The following SLC19A1 variants were observed in gnomAD, a reference collection of about 807,000 sequenced individuals.
SLC19A1 encodes reduced folate transporter.
SLC19A1 carries 37 observed loss-of-function variants against 35.3 expected under a neutral mutation model. That is an observed-to-expected ratio of 1.05 (90% CI 0.81 to 1.38). The LOEUF (loss-of-function observed/expected upper bound fraction) is 1.38, where lower values mean the gene tolerates loss of function less well. SLC19A1 is among the 40% of genes most tolerant of loss of function. The pLI, the probability that SLC19A1 is intolerant of heterozygous loss-of-function variation, is 0.00. For missense variants in SLC19A1, 831 were observed against 826.9 expected (o/e 1.00, Z -0.06); for synonymous variants, 460 against 398.5 (o/e 1.15, Z -1.84).
chr21:45,531,985 T>G lies in SLC19A1; in HGVS notation c.353A>C (p.His118Pro), dbSNP rs2077938121. Reference sequence around the variant, plus strand: ...GTAGAAGAGCTCCATGAGCTGCATGTGCGCCACCGAGTGGCCCAGCAGCAG... The same window carrying G: ...GTAGAAGAGCTCCATGAGCTGCATGGGCGCCACCGAGTGGCCCAGCAGCAG... ...LLLLLGHSVA[H>P]MQLMELFYSV... The change falls in exon 3 of 6, where the codon CAC becomes CCC. Residue 118 changes from histidine (H) to proline (P), a missense_variant. Transcript: ENST00000311124. 6.2e-7 allele frequency: 1 copy of G among 1,609,988 alleles called. No homozygotes were observed.
rs756797124 is a variant in SLC19A1 at position 45,505,235 on chromosome 21, A to AGGCCCCCCAG, written c.498-6633_498-6624dup. 5.0e-6 allele frequency: 8 copies of AGGCCCCCCAG among 1,594,918 alleles called. No homozygotes were observed. In the Admixed American group the frequency reaches 1.2e-4, roughly 24 times the overall value. ...GGCGCCAGGGCCCTCCCGGCCCCCC[A>AGGCCCCCCAG]GGCCCCCCAGGGCCCCCTTCATTTC... On this transcript the variant is annotated intron_variant, in intron 3 of 4. Coordinates refer to the SLC19A1 transcript ENST00000417954.
At chr21:45,506,613 G>A in intron 3 of SLC19A1, 1 of 177,494 alleles carries the variant, frequency 5.6e-6, no homozygotes, top group Non-Finnish European at 1.2e-5. Context: ...GCAAAGGTGA[G>A]GACGGGTAGA....
rs1310567718 is a variant in SLC19A1 at position 45,531,524 on chromosome 21, G to A, written c.814C>T (p.Leu272Phe). The change falls in exon 3 of 6, where the codon CTC becomes TTC. Residue 272 changes from leucine (L) to phenylalanine (F), a missense_variant. Transcript: ENST00000311124. ...LRRPQLRLWSLWWVFNSAGYY... is the reference protein window; with the variant it reads ...LRRPQLRLWSFWWVFNSAGYY... ...CCGGCCGAGTTGAAGACCCACCAGA[G>A]GGACCACAGGCGCAGCTGCGGCCGC... 1 of 1,612,698 alleles carries A rather than the reference G, an allele frequency of 6.2e-7. No individual in the cohort carries two copies. Among genetic ancestry groups the A allele is most frequent in the South Asian group, 1.1e-5 (1 of 91,078 alleles).
rs534502226 is a variant in SLC19A1, at chr21:45,517,372, G to A, written c.1294-1232C>T. Among the ~76,000 whole-genome samples the A allele has an allele frequency of 9.6e-4, 144 of 150,448 alleles. No individual in the cohort carries two copies. The highest frequency in any genetic ancestry group is 5.0e-3 in the Admixed American group (75 of 15,144). ...ATGTCAGCAAGGACCCCCCACCCTC[G>A]CCAGCCTGTAACAAGGACCCCCGAG... On this transcript the variant is annotated intron_variant, in intron 5 of 5. Coordinates refer to ENST00000311124, the MANE Select transcript of SLC19A1 (RefSeq NM_194255.4). The surrounding 1 kb of genome is among the most constrained non-coding windows in gnomAD (Gnocchi z 4.4).
chr21:45,560,962 T>C (rs2078610115), intron 1 of SLC19A1, among the ~76,000 whole-genome samples: 1 of 152,222 alleles, frequency 6.6e-6, no homozygotes, highest in East Asian at 1.9e-4. Flanking sequence ...CTCTTACAAC[T>C]GCTGTGGTCA....
intron 1 of SLC19A1, among the ~76,000 whole-genome samples, chr21:45,549,592 A>G (rs115971537): frequency 0.012 from 1,664 of 140,786 alleles, 39 homozygotes; most frequent in African/African-American, 0.042. Flanking sequence ...AACCCAGAAC[A>G]GCCTCAGCCT....
chr21:45,535,380 C>T (rs78540728), intron 2 of SLC19A1, among the ~76,000 whole-genome samples: 247 of 152,360 alleles, frequency 1.6e-3, no homozygotes, highest in Middle Eastern at 0.01. Context: ...AACACACAAC[C>T]AGTCCAATCC....
At chr21:45,505,275 C>A in intron 3 of SLC19A1, 1 of 1,608,152 alleles carries the variant, frequency 6.2e-7, no homozygotes, top group Non-Finnish European at 8.5e-7. Context: ...CCCTCACAGG[C>A]AGAGTAAGTC....
chr21:45,509,154 C>T (rs2037422423), downstream of SLC19A1, among the ~76,000 whole-genome samples: 2 of 152,028 alleles, frequency 1.3e-5, no homozygotes, highest in Admixed American at 1.3e-4. Flanking sequence ...AGAGGTGACC[C>T]GCGATCCGGC....
At position 45,530,854 on chromosome 21, in the gene SLC19A1, G is replaced by A. The variant is rs1158032004; in HGVS notation, c.1067C>T (p.Thr356Met). The change falls in exon 4 of 6, where the codon ACG (threonine) becomes ATG (methionine). Residue 356 changes from threonine (T) to methionine (M), a missense_variant. Transcript: ENST00000311124. The surrounding 1 kb of genome is among the most constrained non-coding windows in gnomAD (Gnocchi z 5.3). ...QAGLVFLLAHTRHPSSIWLCY... is the reference protein window; with the variant it reads ...QAGLVFLLAHMRHPSSIWLCY... Reference sequence around the variant, plus strand: ...CAGCCAGATGCTGCTCGGGTGGCGCGTGTGCGCCAGAAGGAAGACCAGCCC... The same window carrying A: ...CAGCCAGATGCTGCTCGGGTGGCGCATGTGCGCCAGAAGGAAGACCAGCCC... 38 of 1,499,692 alleles carry A rather than the reference G, an allele frequency of 2.5e-5. No individual in the cohort carries two copies. Among genetic ancestry groups the A allele is most frequent in the Non-Finnish European group, 2.8e-5 (31 of 1,123,920 alleles). The allele number at this position is 1,499,692 out of a possible 1,614,324, so 92.9% of individuals were successfully genotyped here.
At chr21:45,505,824 T>G in intron 3 of SLC19A1, 6 of 1,368,238 alleles carry the variant, frequency 4.4e-6, no homozygotes, top group Non-Finnish European at 6.1e-6. Flanking sequence ...CACCTCTGCA[T>G]TTGGTCCCAG....
At chr21:45,543,124 C>G (rs9978673), upstream of SLC19A1, among the ~76,000 whole-genome samples, 4,165 of 152,302 alleles carry the variant, frequency 0.027, 187 homozygotes, top group African/African-American at 0.088. Context: ...CCAGCAGGGA[C>G]AGCCCGGGGG....
chr21:45,504,130 GC>G (rs2037037172), intron 3 of SLC19A1: 16 of 1,505,832 alleles, frequency 1.1e-5, no homozygotes, highest in Non-Finnish European at 1.4e-5. Flanking sequence ...CCAATTTCTC[GC>G]CCCATCCGGC....
intron 4 of SLC19A1, among the ~76,000 whole-genome samples, chr21:45,526,973 C>T (rs1408383124): frequency 1.3e-5 from 2 of 152,280 alleles, no homozygotes; most frequent in Non-Finnish European, 2.9e-5. Context: ...AGCTCTGGGA[C>T]AGACCAGGTC....
intron 2 of SLC19A1, among the ~76,000 whole-genome samples, chr21:45,535,575 G>C (rs944395318): frequency 1.3e-5 from 2 of 152,218 alleles, no homozygotes; most frequent in Admixed American, 1.3e-4. Flanking sequence ...CCGAGCTGGT[G>C]AGGGGAACGT....
At chr21:45,509,325 C>T (rs764547226), downstream of SLC19A1, 65 of 1,539,298 alleles carry the variant, frequency 4.2e-5, no homozygotes, top group South Asian at 5.6e-4. Context: ...AGGGTCCCCC[C>T]GCCGACAGGC....
At chr21:45,559,656 C>T (rs1490720800) in intron 1 of SLC19A1, among the ~76,000 whole-genome samples, 3 of 152,218 alleles carry the variant, frequency 2.0e-5, no homozygotes, top group African/African-American at 4.8e-5. Flanking sequence ...CGTGGGGCCA[C>T]ACCTGTGCGC....
intron 1 of SLC19A1, among the ~76,000 whole-genome samples, chr21:45,560,309 A>C (rs1307852616): frequency 6.6e-6 from 1 of 152,208 alleles, no homozygotes; most frequent in African/African-American, 2.4e-5. Flanking sequence ...CTCCATGTCC[A>C]TCACCTTGGG....
downstream of SLC19A1, chr21:45,511,312 G>A (rs924478800): frequency 3.9e-5 from 29 of 737,832 alleles, no homozygotes; most frequent in Admixed American, 1.4e-4. Flanking sequence ...GTTTCCCCCC[G>A]AGTTTTTGGA....
Sources: gnomAD v4.1 joint callset for allele counts (sites outside exome capture counted in the v4.1 genomes callset) on GRCh38, gnomAD v4.1.1 for gene constraint, Gnocchi (gnomAD v3.1) non-coding constraint, MANE v1.5 for transcripts, NCBI Gene and HGNC (gene_info 2026-07-23, HGNC 2026-07-21) for gene names.